The following ACLY variants were observed in gnomAD, a reference collection of about 807,000 sequenced individuals.
ACLY encodes the protein ATP-citrate synthase.
Under a neutral mutation model 133.0 loss-of-function variants are expected in ACLY, and 41 were observed. That is an observed-to-expected ratio of 0.31 (90% CI 0.24 to 0.40). ACLY has a LOEUF of 0.40. ACLY is among the 10% of genes least tolerant of loss of function. The pLI, the probability that ACLY is intolerant of heterozygous loss-of-function variation, is 1.00. For missense variants in ACLY, 1,046 were observed against 1,453.8 expected (o/e 0.72, Z 4.56); for synonymous variants, 495 against 549.3 (o/e 0.90, Z 1.38).
chr17:41,887,591 A>C lies in ACLY; in HGVS notation c.1875+8T>G. On this transcript the variant is annotated splice_region_variant and intron_variant, in intron 17 of 28. Transcript: ENST00000352035. The stretch of plus-strand genomic sequence containing the variant: ...GAACGTAAAAGGCTTTCCGGAGGGG[A>C]AGCTCACAGTGGCAGGTCCGATGAT... 6.2e-7 allele frequency: 1 copy of C among 1,613,066 alleles called. No individual in the cohort carries two copies. Among genetic ancestry groups the C allele is most frequent in the Non-Finnish European group, 8.5e-7 (1 of 1,179,188 alleles).
chr17:41,900,985 C>T lies in ACLY; in HGVS notation c.1183+711G>A, dbSNP rs1177108789. 3.3e-5 allele frequency among the ~76,000 whole-genome samples: 5 copies of T among 151,690 alleles called. No homozygotes were observed. The East Asian group carries it at 9.7e-4, about 29-fold the overall frequency. ...TTCTTTTTTTTTTGATACAGGGTCT[C>T]ACTCTGTCACCCAGGCTGGAGTGCA... On this transcript the variant is annotated intron_variant, in intron 11 of 28. Coordinates refer to ENST00000352035, the MANE Select transcript of ACLY (RefSeq NM_001096.3).
At chr17:41,930,415 G>T in exon 1 of ACLY, 1 of 290,598 alleles carries the variant, frequency 3.4e-6, no homozygotes, top group Non-Finnish European at 6.7e-6. Flanking sequence ...TGTTTTCTTG[G>T]CTGTCTTACA....
Position 41,901,794 on chromosome 17 carries a change from C to T in ACLY, c.1085G>A (p.Arg362Gln), listed in dbSNP as rs150458004. 25 of 1,589,596 alleles carry T rather than the reference C, an allele frequency of 1.6e-5. No individual in the cohort carries two copies. The highest frequency in any genetic ancestry group is 1.2e-4 in the Admixed American group (7 of 56,998). ...ATFKGIVRAIRDYQGPLKEHE... is the reference protein window; with the variant it reads ...ATFKGIVRAIQDYQGPLKEHE... ...CTCCTTCAGGGGGCCCTGGTAATCTCGAATTGCTCTCACGATGCCCTGGAA... is the reference window on the plus strand; with the variant it reads ...CTCCTTCAGGGGGCCCTGGTAATCTTGAATTGCTCTCACGATGCCCTGGAA... The change falls in exon 11 of 29, where the codon CGA becomes CAA. Residue 362 changes from arginine (R) to glutamine (Q), a missense_variant. By Grantham distance (43) the Arg-to-Gln change is conservative. Coordinates refer to ENST00000352035, the MANE Select transcript of ACLY (RefSeq NM_001096.3).
At chr17:41,868,600 T>TAAAAAA (rs372744524) in intron 28 of ACLY, 109 bp downstream of exon 28, 21 of 517,742 alleles carry the variant, frequency 4.1e-5, no homozygotes, top group African/African-American at 3.6e-4. Flanking sequence ...AAAAGAAAAT[T>TAAAAAA]AAAAAAAAAA....
chr17:41,897,998 G>A (rs1183359036), intron 12 of ACLY, among the ~76,000 whole-genome samples, 159 bp from the exon 13 acceptor site: 5 of 152,184 alleles, frequency 3.3e-5, no homozygotes, highest in Non-Finnish European at 5.9e-5. Context: ...TCTAAGATAC[G>A]AATTAATATT....
At chr17:41,908,677 T>C (rs1196969982) in intron 6 of ACLY, among the ~76,000 whole-genome samples, 1 of 151,958 alleles carries the variant, frequency 6.6e-6, no homozygotes, top group South Asian at 2.1e-4. Flanking sequence ...GGCAGAAAAA[T>C]TGCTTGAGAC....
chr17:41,876,506 T>C (rs1306661703), intron 22 of ACLY, among the ~76,000 whole-genome samples: 1 of 152,238 alleles, frequency 6.6e-6, no homozygotes. Flanking sequence ...AGAAATTGGA[T>C]GGTTGCCGTG....
chr17:41,925,477 G>A (rs576847760), intron 1 of ACLY, among the ~76,000 whole-genome samples: 85 of 151,240 alleles, frequency 5.6e-4, no homozygotes, highest in Non-Finnish European at 9.3e-4. Flanking sequence ...AGGGTGTGAT[G>A]GCATGCACCT....
chr17:41,920,917 C>G (rs1688351181), upstream of ACLY, among the ~76,000 whole-genome samples: 1 of 152,076 alleles, frequency 6.6e-6, no homozygotes, highest in Non-Finnish European at 1.5e-5. Flanking sequence ...AAAAAATTAG[C>G]TGGGCGTGGT....
intron 16 of ACLY, among the ~76,000 whole-genome samples, chr17:41,890,619 C>T (rs1423970824): frequency 1.3e-5 from 2 of 151,418 alleles, no homozygotes; most frequent in Non-Finnish European, 2.9e-5. Context: ...ACCCGGGAGG[C>T]GGAGGTTGCG....
At chr17:41,869,158 A>G (rs1305230363) in intron 26 of ACLY, 33 bp from the exon 27 acceptor site, 5 of 1,548,706 alleles carry the variant, frequency 3.2e-6, no homozygotes, top group African/African-American at 1.4e-5. Context: ...AGCATTTATC[A>G]TTATTTCTCA....
chr17:41,882,991 T>C (rs1478392153), intron 20 of ACLY, 131 bp downstream of exon 20: 4 of 746,328 alleles, frequency 5.4e-6, no homozygotes, highest in Non-Finnish European at 6.4e-6. Context: ...GACTTTGTAG[T>C]AACCAAGCAA....
At chr17:41,914,814 G>A (rs2050008521) in intron 1 of ACLY, among the ~76,000 whole-genome samples, 3 of 152,116 alleles carry the variant, frequency 2.0e-5, no homozygotes, top group Non-Finnish European at 4.4e-5. Flanking sequence ...TGGAGTTCGA[G>A]GCTACAGTGA....
chr17:41,894,098 C>T (rs1254322421), intron 14 of ACLY, among the ~76,000 whole-genome samples: 3 of 151,824 alleles, frequency 2.0e-5, no homozygotes, highest in Admixed American at 6.6e-5. Flanking sequence ...CACCTGTAAT[C>T]CCAGCTACTC....
chr17:41,874,349 C>T (rs2048674492), intron 22 of ACLY, among the ~76,000 whole-genome samples: 2 of 151,716 alleles, frequency 1.3e-5, no homozygotes, highest in South Asian at 4.2e-4. Context: ...CTCACTTCAG[C>T]CTCAAACTCC....
Position 41,871,824 on chromosome 17 carries a change from C to A in ACLY, c.2802G>T (p.Arg934=). The A allele has an allele frequency of 6.2e-7, 1 of 1,613,946 alleles. No homozygotes were observed. Among genetic ancestry groups the A allele is most frequent in the Non-Finnish European group, 8.5e-7 (1 of 1,180,024 alleles). The change falls in exon 25 of 29, where the codon CGG becomes CGT. Residue 934 remains arginine, a synonymous_variant. Transcript: ENST00000352035. ...LTSGLLTIGD[R]FGGALDAAAK... ...CTGCTGCATCCAAGGCACCCCCAAACCGATCCCCCTGGAGGAGAAACAAGT... is the reference window on the plus strand; with the variant it reads ...CTGCTGCATCCAAGGCACCCCCAAAACGATCCCCCTGGAGGAGAAACAAGT...
chr17:41,915,232 G>A (rs185147441), intron 1 of ACLY, among the ~76,000 whole-genome samples: 1 of 152,316 alleles, frequency 6.6e-6, no homozygotes, highest in Non-Finnish European at 1.5e-5. Context: ...CTGAGCTGGG[G>A]AGGGGAATCG....
chr17:41,896,041 C>G (rs1374442162), intron 14 of ACLY, among the ~76,000 whole-genome samples: 2 of 152,182 alleles, frequency 1.3e-5, no homozygotes, highest in African/African-American at 4.8e-5. Context: ...CCCTTCTGCG[C>G]TTCCGTCTAC....
upstream of ACLY, among the ~76,000 whole-genome samples, chr17:41,919,928 C>T (rs2050155730): frequency 6.6e-6 from 1 of 152,196 alleles, no homozygotes; most frequent in Admixed American, 6.5e-5. Context: ...CTGCAGCCTC[C>T]CTCCCTACCT....
Sources: gnomAD v4.1 joint callset for allele counts (sites outside exome capture counted in the v4.1 genomes callset) on GRCh38, gnomAD v4.1.1 for gene constraint, MANE v1.5 for transcripts, NCBI Gene and HGNC (gene_info 2026-07-23, HGNC 2026-07-21) for gene names.